The following SND1 variants were observed in gnomAD, a reference collection of about 807,000 sequenced individuals.
SND1 encodes the protein staphylococcal nuclease domain-containing protein 1.
SND1 carries 38 observed loss-of-function variants against 121.7 expected under a neutral mutation model. The observed-to-expected ratio is 0.31, with a 90% CI of 0.24 to 0.41. SND1 has a LOEUF of 0.41. SND1 is among the 10% of genes least tolerant of loss of function. SND1 has a pLI of 1.00. For missense variants in SND1, 868 were observed against 1,184.6 expected (o/e 0.73, Z 3.92); for synonymous variants, 401 against 447.4 (o/e 0.90, Z 1.31).
chr7:127,820,678 CCTCT>C (rs1213841221), intron 11 of SND1, among the ~76,000 whole-genome samples: 3 of 151,834 alleles, frequency 2.0e-5, no homozygotes, highest in South Asian at 2.1e-4. Flanking sequence ...TTCTTTTGTC[CCTCT>C]CTATCTTTCC....
intron 10 of SND1, among the ~76,000 whole-genome samples, chr7:127,750,978 A>G (rs1010431114): frequency 1.3e-5 from 2 of 152,304 alleles, no homozygotes; most frequent in East Asian, 1.9e-4. Context: ...GGATGCATGT[A>G]ATGATAACCT....
intron 14 of SND1, among the ~76,000 whole-genome samples, chr7:127,915,956 A>G (rs1800564448): frequency 6.6e-6 from 1 of 152,056 alleles, no homozygotes; most frequent in African/African-American, 2.4e-5. Context: ...AAGAACAGTG[A>G]GAAATCTTTG....
chr7:127,869,076 T>C (rs572060633), intron 12 of SND1, among the ~76,000 whole-genome samples: 1 of 151,730 alleles, frequency 6.6e-6, no homozygotes, highest in Admixed American at 6.6e-5. Context: ...TATGAAAGAG[T>C]TGAGGGAGGT....
At chr7:127,915,534 A>G (rs1389225324) in intron 14 of SND1, among the ~76,000 whole-genome samples, 1 of 152,236 alleles carries the variant, frequency 6.6e-6, no homozygotes, top group African/African-American at 2.4e-5. Flanking sequence ...TCAAACAATA[A>G]GTATTTATCA....
intron 10 of SND1, among the ~76,000 whole-genome samples, chr7:127,731,584 CTCCCAGTCT>C (rs1364450220): frequency 6.6e-6 from 1 of 152,126 alleles, no homozygotes; most frequent in Non-Finnish European, 1.5e-5. Context: ...TCCCTCACTC[CTCCCAGTCT>C]TCCCTCAGAG....
chr7:128,022,204 C>CAAAAAAAAA (rs58371490), intron 16 of SND1, among the ~76,000 whole-genome samples: 1 of 74,148 alleles, frequency 1.3e-5, no homozygotes, highest in African/African-American at 4.3e-5. Context: ...GACTCTCTCT[C>CAAAAAAAAA]AAAAAAAAAA....
intron 10 of SND1, among the ~76,000 whole-genome samples, chr7:127,783,827 A>G (rs1797766278): frequency 6.6e-6 from 1 of 152,242 alleles, no homozygotes; most frequent in African/African-American, 2.4e-5. Flanking sequence ...AACTTTGGTC[A>G]TGTATGAAAT....
intron 1 of SND1, among the ~76,000 whole-genome samples, chr7:127,656,252 C>G (rs1411703338): frequency 6.6e-6 from 1 of 151,994 alleles, no homozygotes; most frequent in African/African-American, 2.4e-5. Context: ...TAGGAAATCC[C>G]ACCTATAATT....
At chr7:127,978,478 G>A (rs1345193056) in intron 15 of SND1, among the ~76,000 whole-genome samples, 1 of 152,158 alleles carries the variant, frequency 6.6e-6, no homozygotes, top group African/African-American at 2.4e-5. Flanking sequence ...TGGAAAGTAT[G>A]CTTTGAATGG....
chr7:127,920,162 T>A (rs1800669126), intron 14 of SND1, among the ~76,000 whole-genome samples: 1 of 152,232 alleles, frequency 6.6e-6, no homozygotes, highest in Non-Finnish European at 1.5e-5. Flanking sequence ...AAGAGTAGGA[T>A]AGTTTTTCTC....
chr7:127,986,215 G>A (rs917051426), intron 15 of SND1, among the ~76,000 whole-genome samples: 2 of 152,188 alleles, frequency 1.3e-5, no homozygotes, highest in African/African-American at 2.4e-5. Context: ...TAACAAGAAT[G>A]TGTACTTCTT....
At chr7:127,701,097 A>G (rs1796091768) in intron 4 of SND1, 66 bp from the exon 5 acceptor site, 1 of 1,561,976 alleles carries the variant, frequency 6.4e-7, no homozygotes, top group Admixed American at 1.8e-5. Context: ...GAAAACCTAT[A>G]TCAGAGAGCC....
At chr7:127,703,403 T>G in intron 7 of SND1, 80 bp downstream of exon 7, 1 of 1,496,694 alleles carries the variant, frequency 6.7e-7, no homozygotes, top group South Asian at 1.2e-5. Context: ...TGCTTCTCTT[T>G]CTCTGTATTT....
intron 16 of SND1, chr7:128,042,512 C>G (rs1180997981): frequency 6.6e-6 from 1 of 152,388 alleles, no homozygotes; most frequent in Non-Finnish European, 1.5e-5. Context: ...AACCAGCCAA[C>G]AAACTGGGGA....
intron 15 of SND1, among the ~76,000 whole-genome samples, chr7:127,951,762 T>G (rs753014735): frequency 1.3e-5 from 2 of 152,180 alleles, no homozygotes; most frequent in Non-Finnish European, 2.9e-5. Context: ...TCCCTGACCC[T>G]CTTTTATTAG....
chr7:127,879,963 G>A (rs1469706348), intron 12 of SND1, among the ~76,000 whole-genome samples: 4 of 152,206 alleles, frequency 2.6e-5, no homozygotes. Flanking sequence ...TCTACTATCA[G>A]TGAAGTAGTA....
chr7:127,801,200 G>C (rs1417977296), intron 10 of SND1, among the ~76,000 whole-genome samples: 1 of 152,202 alleles, frequency 6.6e-6, no homozygotes, highest in Non-Finnish European at 1.5e-5. Context: ...AAGTGCCAAA[G>C]TATTTAACCT....
chr7:127,908,334 G>C (rs938919260), intron 14 of SND1, among the ~76,000 whole-genome samples: 2 of 150,860 alleles, frequency 1.3e-5, no homozygotes, highest in African/African-American at 4.9e-5. Context: ...GTGTGTGTGT[G>C]TGTGTGTGTG....
At chr7:127,878,552 C>A (rs1421743559) in intron 12 of SND1, among the ~76,000 whole-genome samples, 1 of 152,118 alleles carries the variant, frequency 6.6e-6, no homozygotes, top group Non-Finnish European at 1.5e-5. Flanking sequence ...TCCCGTCACT[C>A]CACACTAGTT....
Sources: gnomAD v4.1 joint callset for allele counts (sites outside exome capture counted in the v4.1 genomes callset) on GRCh38, gnomAD v4.1.1 for gene constraint, MANE v1.5 for transcripts, NCBI Gene and HGNC (gene_info 2026-07-23, HGNC 2026-07-21) for gene names.